MORN3: variants seen among roughly 807,000 people sequenced by gnomAD.
MORN3 encodes MORN repeat containing 3, also known as MORN repeat-containing protein 3.
A neutral mutation model predicts 34.7 loss-of-function variants in MORN3; 38 were observed. The ratio of observed to expected loss-of-function variants is 1.10; its 90% confidence interval spans 0.85 to 1.44. The LOEUF (loss-of-function observed/expected upper bound fraction) is 1.44, where lower values mean the gene tolerates loss of function less well. Ranked by LOEUF, MORN3 falls within the 40% of genes most tolerant of loss-of-function variation. The pLI is 0.00. For synonymous variants in MORN3, 109 were observed against 115.3 expected, an observed-to-expected ratio of 0.95 and a Z score of 0.35; for missense variants, 311 against 321.7, an observed-to-expected ratio of 0.97 and a Z score of 0.25.
rs1893188439 is a variant in MORN3 at position 121,648,761 on chromosome 12, AT to A, written c.*2889del. 1 of 152,044 alleles carries A rather than the reference AT, an allele frequency of 6.6e-6. No homozygotes were observed. Among genetic ancestry groups the A allele is most frequent in the Non-Finnish European group, 1.5e-5 (1 of 68,004 alleles). 9.4% of individuals were successfully genotyped at this position (152,044 alleles called of 1,614,324 possible). Reference sequence around the variant, plus strand: ...GCACAGTCTCTTTAACTTCATTTTTATTTACATTTTGAATACATAATACATT... The same window carrying A: ...GCACAGTCTCTTTAACTTCATTTTTATTACATTTTGAATACATAATACATT... On this transcript the variant is annotated 3_prime_UTR_variant, in exon 6 of 6. Coordinates refer to ENST00000355329, the MANE Select transcript of MORN3 (RefSeq NM_173855.5).
chr12:121,668,807 AT>A (rs1400781419), intron 1 of MORN3, among the ~76,000 whole-genome samples: 1 of 151,882 alleles, frequency 6.6e-6, no homozygotes, highest in East Asian at 1.9e-4. Context: ...TTTTTTCTTT[AT>A]TTTTTTCCCC....
intron 2 of MORN3, among the ~76,000 whole-genome samples, chr12:121,657,207 G>A (rs1555325778): frequency 6.6e-6 from 1 of 152,142 alleles, no homozygotes; most frequent in Non-Finnish European, 1.5e-5. Context: ...CCTCCTTCTT[G>A]CCTGGGGACT....
At chr12:121,669,254 T>G (rs1312777281) in intron 1 of MORN3, 85 bp downstream of exon 1, 148 of 1,549,902 alleles carry the variant, frequency 9.5e-5, no homozygotes, top group Middle Eastern at 2.1e-4. Context: ...ATGTCCCCAG[T>G]GAGCTCTGCA....
intron 1 of MORN3, among the ~76,000 whole-genome samples, chr12:121,666,947 A>T (rs1472463634): frequency 1.4e-5 from 2 of 143,896 alleles, no homozygotes; most frequent in African/African-American, 5.2e-5. Context: ...TTTAACCCAC[A>T]ACCTCTTTTT....
At chr12:121,660,656 T>C (rs1893555572) in intron 1 of MORN3, among the ~76,000 whole-genome samples, 1 of 101,874 alleles carries the variant, frequency 9.8e-6, no homozygotes, top group Non-Finnish European at 2.0e-5. Context: ...GCCTTTTTTT[T>C]TCTTTCTTTC....
chr12:121,660,095 G>A lies in MORN3; in HGVS notation c.146-747C>T, dbSNP rs1013129685. On this transcript the variant is annotated intron_variant, in intron 1 of 5. Coordinates refer to ENST00000355329, the MANE Select transcript of MORN3 (RefSeq NM_173855.5). ...CTAAAAATACAAAAATTAGCCAGGCGTGGTGGCAGGCGCCTGTAATCCCAG... is the reference window on the plus strand; with the variant it reads ...CTAAAAATACAAAAATTAGCCAGGCATGGTGGCAGGCGCCTGTAATCCCAG... Among the ~76,000 whole-genome samples the A allele has an allele frequency of 3.3e-5, 5 of 151,370 alleles. No individual in the cohort carries two copies. In the East Asian group the frequency reaches 6.2e-4, roughly 19 times the overall value.
At position 121,659,266 on chromosome 12, in the gene MORN3, G is replaced by A. The variant is rs1456133657; in HGVS notation, c.228C>T (p.Thr76=). 6.2e-7 allele frequency: 1 copy of A among 1,613,920 alleles called. No homozygotes were observed. The change falls in exon 2 of 6, where the codon ACC becomes ACT. Residue 76 remains threonine (T), a synonymous_variant. Transcript: ENST00000355329. Reference sequence around the variant, plus strand: ...CTGTCTGTTGGTCAGGAAGGCTGAGGGTGCCGTAGCCGTCTCGCTTCCCAA... The same window carrying A: ...CTGTCTGTTGGTCAGGAAGGCTGAGAGTGCCGTAGCCGTCTCGCTTCCCAA... The part of the protein sequence containing the change: ...WKFGKRDGYG[T]LSLPDQQTGK...
At chr12:121,671,026 G>C (rs889169129), upstream of MORN3, among the ~76,000 whole-genome samples, 7 of 150,488 alleles carry the variant, frequency 4.7e-5, no homozygotes, top group African/African-American at 1.5e-4. Flanking sequence ...CAGGAGAATC[G>C]CTTGAACCAG....
In MORN3 at chr12:121,659,440, C is replaced by G. The variant is rs55697220; in HGVS notation, c.146-92G>C. The G allele has an allele frequency of 0.016, 21,268 of 1,356,630 alleles. 889 individuals are homozygous for G. The highest frequency in any genetic ancestry group is 0.15 in the East Asian group (6,196 of 42,670). 84.0% of individuals were successfully genotyped at this position (1,356,630 alleles called of 1,614,324 possible). A position where few individuals can be genotyped will look rare whatever the true frequency, so the allele number is the denominator to read the frequency against. On this transcript the variant is annotated intron_variant, in intron 1 of 5. Coordinates refer to ENST00000355329, the MANE Select transcript of MORN3 (RefSeq NM_173855.5). ...TGAGCCTCAGGGGCCCCCAACTAGA[C>G]GAATCTAGAGAGCTGGGACAGGCTC...
chr12:121,654,295 C>G lies in MORN3; in HGVS notation c.442G>C (p.Gly148Arg). 1 of 1,591,758 alleles carries G rather than the reference C, an allele frequency of 6.3e-7. No homozygotes were observed. The highest frequency in any genetic ancestry group is 8.5e-7 in the Non-Finnish European group (1 of 1,170,528). The change falls in exon 3 of 6, where the codon GGG (glycine) becomes CGG (arginine). Residue 148 changes from glycine (G) to arginine (R), a missense_variant. Coordinates refer to ENST00000355329, the MANE Select transcript of MORN3 (RefSeq NM_173855.5). ...TCACTCAGGCGCAGCATGCCCTCCCCGTTGGGCTTGTCGTTCTCCCACTGT... is the reference window on the plus strand; with the variant it reads ...TCACTCAGGCGCAGCATGCCCTCCCGGTTGGGCTTGTCGTTCTCCCACTGT... ...EGQWENDKPN[G>R]EGMLRLKNGN...
Position 121,667,073 on chromosome 12 carries a change from A to G in MORN3, c.145+2266T>C, listed in dbSNP as rs377016773. Among the ~76,000 whole-genome samples, 4 of 140,026 alleles carry G rather than the reference A, an allele frequency of 2.9e-5. No individual in the cohort carries two copies. In the South Asian group the frequency reaches 8.9e-4, roughly 31 times the overall value. The allele number at this position is 140,026 out of a possible 152,430, so 91.9% of individuals were successfully genotyped here. ...CCTCCCAGGTTCAAGCAATTCTCTT[A>G]TCTCAGCCTCCCAAGTAGCTGGGAT... On this transcript the variant is annotated intron_variant, in intron 1 of 5. Coordinates refer to ENST00000355329, the MANE Select transcript of MORN3 (RefSeq NM_173855.5).
At position 121,649,414 on chromosome 12, in the gene MORN3, T is replaced by A. The variant is rs564571433; in HGVS notation, c.*2237A>T. ...AAGACACCTCACTGTTGTCGGGGAG[T>A]GCCAGGAGAGAATGCTTGCTGCGAA... is the stretch of plus-strand genomic sequence containing the variant. On this transcript the variant is annotated 3_prime_UTR_variant, in exon 6 of 6. Transcript: ENST00000355329. The A allele has an allele frequency of 1.3e-5, 2 of 151,982 alleles. No individual in the cohort carries two copies. Among genetic ancestry groups the A allele is most frequent in the East Asian group, 3.9e-4 (2 of 5,184 alleles). 9.4% of individuals were successfully genotyped at this position (151,982 alleles called of 1,614,324 possible).
At position 121,653,126 on chromosome 12, in the gene MORN3, G is replaced by T. The variant is rs150726577; in HGVS notation, c.597C>A (p.Ile199=). The T allele has an allele frequency of 4.2e-4, 677 of 1,614,036 alleles. 3 individuals are homozygous for T. Among genetic ancestry groups the T allele is most frequent in the Middle Eastern group, 2.6e-3 (16 of 6,062 alleles). Residue 199 remains isoleucine, a synonymous_variant, in exon 4 of 6, where the codon ATC becomes ATA. Coordinates refer to ENST00000355329, the MANE Select transcript of MORN3 (RefSeq NM_173855.5). ...CAGGGGCCTCGTCACGGCCAAAGTCGATCATCGTCCCGCATTTGGCCATAT... is the reference window on the plus strand; with the variant it reads ...CAGGGGCCTCGTCACGGCCAAAGTCTATCATCGTCCCGCATTTGGCCATAT... ...VDNMAKCGTM[I]DFGRDEAPEP...
Position 121,654,274 on chromosome 12 carries a change from T to C in MORN3, c.463A>G (p.Lys155Glu). The C allele has an allele frequency of 3.2e-6, 5 of 1,563,740 alleles. No homozygotes were observed. Among genetic ancestry groups the C allele is most frequent in the Non-Finnish European group, 4.3e-6 (5 of 1,155,668 alleles). The change falls in exon 3 of 6, where the codon AAG (lysine) becomes GAG (glutamate). Residue 155 changes from lysine (K) to glutamate (E), a missense_variant and splice_region_variant. Coordinates refer to ENST00000355329, the MANE Select transcript of MORN3 (RefSeq NM_173855.5). ...KPNGEGMLRL[K>E]NGNRYEGCWE... The stretch of plus-strand genomic sequence containing the variant: ...GGGCCGGCGGGGGTGGGGCACTCAC[T>C]CAGGCGCAGCATGCCCTCCCCGTTG...
In MORN3 at chr12:121,669,351, T is replaced by C; in HGVS notation, c.133A>G (p.Asn45Asp). Residue 45 changes from asparagine to aspartate, a missense_variant, in exon 1 of 6, where the codon AAC (asparagine) becomes GAC (aspartate). Transcript: ENST00000355329. The part of the protein sequence containing the change: ...GDYYVGEWKD[N>D]VKHGKGTQVW... ...GAGTCCCACTCACCGTGTTTCACGT[T>C]GTCCTTCCACTCGCCCACATAGTAG... The C allele has an allele frequency of 1.2e-6, 2 of 1,613,614 alleles. No homozygotes were observed. Among genetic ancestry groups the C allele is most frequent in the South Asian group, 1.1e-5 (1 of 91,086 alleles).
At chr12:121,653,298 C>A in intron 3 of MORN3, 39 bp from the exon 4 acceptor site, 1 of 1,595,614 alleles carries the variant, frequency 6.3e-7, no homozygotes, top group Non-Finnish European at 8.5e-7. Flanking sequence ...CAGGGTACAC[C>A]AAACTAAGCT....
chr12:121,669,391 G>A lies in MORN3; in HGVS notation c.93C>T (p.Tyr31=), dbSNP rs35263703. The part of the protein sequence containing the change: ...AQRNGLRSQV[Y]AVNGDYYVGE... Reference sequence around the variant, plus strand: ...CCACATAGTAGTCGCCATTCACAGCGTATACCTGGCTCCGCAGGCCGTTCC... The same window carrying A: ...CCACATAGTAGTCGCCATTCACAGCATATACCTGGCTCCGCAGGCCGTTCC... The change falls in exon 1 of 6, where the codon TAC becomes TAT. Residue 31 remains tyrosine (Y), a synonymous_variant. Coordinates refer to ENST00000355329, the MANE Select transcript of MORN3 (RefSeq NM_173855.5). 1,008 of 1,614,008 alleles carry A rather than the reference G, an allele frequency of 6.2e-4. 9 individuals are homozygous for A. In the African/African-American group the frequency reaches 8.8e-3, roughly 14 times the overall value.
At chr12:121,660,183 G>A (rs1893535798) in intron 1 of MORN3, among the ~76,000 whole-genome samples, 2 of 141,648 alleles carry the variant, frequency 1.4e-5, no homozygotes, top group East Asian at 2.7e-4. Flanking sequence ...GCAGTGAGCC[G>A]AGATGACGTC....
chr12:121,649,768 G>GC lies in MORN3; in HGVS notation c.*1882dup, dbSNP rs1555324820. On this transcript the variant is annotated 3_prime_UTR_variant, in exon 6 of 6. Transcript: ENST00000355329. ...CTGTCGCCCAGGCTGGAGTGCAATG[G>GC]CGCAATCTCGGCTCACTGCAACCTC... 1.3e-5 allele frequency: 2 copies of GC among 149,736 alleles called. No individual in the cohort carries two copies. Among genetic ancestry groups the GC allele is most frequent in the Non-Finnish European group, 3.0e-5 (2 of 67,612 alleles). 9.3% of individuals were successfully genotyped at this position (149,736 alleles called of 1,614,324 possible). A position where few individuals can be genotyped will look rare whatever the true frequency, so the allele number is the denominator to read the frequency against.
Sources: allele counts gnomAD v4.1 joint callset (sites outside exome capture counted in the v4.1 genomes callset), GRCh38; gene constraint gnomAD v4.1.1; transcripts MANE v1.5; gene names NCBI Gene and HGNC (gene_info 2026-07-23, HGNC 2026-07-21).